The following RAB3GAP1 variants were observed in gnomAD, a reference collection of about 807,000 sequenced individuals.
RAB3GAP1 encodes rab3 GTPase-activating protein catalytic subunit.
Under a neutral mutation model 130.7 loss-of-function variants are expected in RAB3GAP1, and 86 were observed. That is an observed-to-expected ratio of 0.66 (90% CI 0.55 to 0.79). RAB3GAP1 has a LOEUF of 0.79. RAB3GAP1 is among the 30% of genes least tolerant of loss of function. The pLI is 0.00. For missense variants in RAB3GAP1, 1,029 were observed against 1,169.4 expected, an observed-to-expected ratio of 0.88 and a Z score of 1.75; for synonymous variants, 367 against 401.7, an observed-to-expected ratio of 0.91 and a Z score of 1.03.
intron 19 of RAB3GAP1, chr2:135,162,269 T>G (rs1223175198): frequency 2.8e-6 from 1 of 351,968 alleles, no homozygotes; most frequent in African/African-American, 2.1e-5. Context: ...GGTTGTTTTC[T>G]CTTGGTATTG....
At chr2:135,154,685 A>G (rs4954222) in intron 19 of RAB3GAP1, among the ~76,000 whole-genome samples, 17,471 of 152,130 alleles carry the variant, frequency 0.11, 1,289 homozygotes, top group South Asian at 0.32. Context: ...AAAACACTGA[A>G]CACAGGTAGG....
At chr2:135,139,634 C>G (rs1219025756) in intron 17 of RAB3GAP1, among the ~76,000 whole-genome samples, 1 of 151,872 alleles carries the variant, frequency 6.6e-6, no homozygotes, top group African/African-American at 2.4e-5. Context: ...TAACTACTTC[C>G]CAGATCAAGA....
At chr2:135,055,321 A>G (rs1443727420) in intron 2 of RAB3GAP1, among the ~76,000 whole-genome samples, 1 of 152,216 alleles carries the variant, frequency 6.6e-6, no homozygotes, top group Non-Finnish European at 1.5e-5. Context: ...CAATACTTGT[A>G]GGATAAAGTC....
At chr2:135,133,735 G>T in intron 14 of RAB3GAP1, 126 bp from the exon 15 acceptor site, 1 of 765,530 alleles carries the variant, frequency 1.3e-6, no homozygotes. Context: ...TTAGACATTT[G>T]ATAATGCCTA....
intron 8 of RAB3GAP1, among the ~76,000 whole-genome samples, chr2:135,122,061 C>G (rs1187876621): frequency 6.6e-6 from 1 of 151,800 alleles, no homozygotes; most frequent in Non-Finnish European, 1.5e-5. Context: ...CCACTGTACT[C>G]CAGCCTGGGT....
Position 135,052,453 on chromosome 2 carries a change from C to T in RAB3GAP1, c.42C>T (p.Ile14=), listed in dbSNP as rs759271846. ...AGCCCGAATCCGAGGTATTTGAGAT[C>T]ACGGACTTCACCACTGCCTCGGAAT... ...DSEPESEVFE[I]TDFTTASEWE... The change falls in exon 2 of 24, where the codon ATC becomes ATT. Residue 14 remains isoleucine, a synonymous_variant. Transcript: ENST00000264158. 3.3e-5 allele frequency: 53 copies of T among 1,613,950 alleles called. No individual in the cohort carries two copies. In the Admixed American group the frequency reaches 3.5e-4, roughly 11 times the overall value.
chr2:135,055,932 G>C (rs997247131), intron 2 of RAB3GAP1, among the ~76,000 whole-genome samples: 3 of 151,860 alleles, frequency 2.0e-5, no homozygotes, highest in African/African-American at 7.3e-5. Context: ...TGCCTCCCAG[G>C]TTTACGCCAT....
chr2:135,058,326 A>AT, intron 3 of RAB3GAP1: 1 of 288,536 alleles, frequency 3.5e-6, no homozygotes, highest in Non-Finnish European at 6.3e-6. Context: ...TATATATATA[A>AT]AATGTCATTC....
chr2:135,136,413 T>C (rs1691682739), intron 17 of RAB3GAP1, among the ~76,000 whole-genome samples: 1 of 152,194 alleles, frequency 6.6e-6, no homozygotes, highest in Non-Finnish European at 1.5e-5. Context: ...ATGACATAGA[T>C]AAATGTGGTC....
chr2:135,150,411 GA>G lies in RAB3GAP1; in HGVS notation c.1968del (p.Val657PhefsTer2), dbSNP rs1322389230. Reference sequence around the variant, plus strand: ...AGAAGATCTGCTAGAAGAGCAGTCTGAAGTTTTAGCTAAATTAGGTACATCG... The same window carrying G: ...AGAAGATCTGCTAGAAGAGCAGTCTGAGTTTTAGCTAAATTAGGTACATCG... ...MTEDLLEEQSEVLAKLGTSAE... is the reference protein window; with the variant it reads ...MTEDLLEEQSXVLAKLGTSAE... On this transcript the variant is annotated frameshift_variant, in exon 18 of 24. Coordinates refer to ENST00000264158, the MANE Select transcript of RAB3GAP1 (RefSeq NM_012233.3). LOFTEE classifies it high-confidence loss of function. 1 of 1,614,222 alleles carries G rather than the reference GA, an allele frequency of 6.2e-7. No individual in the cohort carries two copies. The highest frequency in any genetic ancestry group is 1.1e-5 in the South Asian group (1 of 91,088).
chr2:135,118,895 G>C (rs1691106411), intron 7 of RAB3GAP1, among the ~76,000 whole-genome samples: 1 of 152,048 alleles, frequency 6.6e-6, no homozygotes, highest in African/African-American at 2.4e-5. Flanking sequence ...ATGTCCCAGT[G>C]TCTGGCTTAA....
rs536754265 is a variant in RAB3GAP1 at position 135,081,072 on chromosome 2, A to G, written c.151-9926A>G. 2.6e-5 allele frequency among the ~76,000 whole-genome samples: 4 copies of G among 152,114 alleles called. No homozygotes were observed. The East Asian group carries it at 7.7e-4, about 29-fold the overall frequency. On this transcript the variant is annotated intron_variant, in intron 3 of 23. Transcript: ENST00000264158. ...TACTGAGCTGGAAATTTTGCCATGA[A>G]GCAAACGTTCATTAGTGTTAAGACC...
chr2:135,136,457 A>G (rs1353510016), intron 17 of RAB3GAP1, among the ~76,000 whole-genome samples: 1 of 152,236 alleles, frequency 6.6e-6, no homozygotes, highest in East Asian at 1.9e-4. Context: ...AAGATTGGAC[A>G]AAGTCTATGT....
At chr2:135,077,652 G>A (rs1226469309) in intron 3 of RAB3GAP1, among the ~76,000 whole-genome samples, 1 of 152,206 alleles carries the variant, frequency 6.6e-6, no homozygotes, top group Non-Finnish European at 1.5e-5. Context: ...CACAGTGGCT[G>A]TAGCAGTTTA....
At chr2:135,104,699 A>AAAATAAAT (rs59733454) in intron 5 of RAB3GAP1, among the ~76,000 whole-genome samples, 3,969 of 148,834 alleles carry the variant, frequency 0.027, 185 homozygotes, top group African/African-American at 0.091. Context: ...CTAAAAATAC[A>AAAATAAAT]AAATAAATAA....
At position 135,113,190 on chromosome 2, in the gene RAB3GAP1, A is replaced by G; in HGVS notation, c.402A>G (p.Ala134=). ...AGTTCGTGGTGATTGCCCCTGCTGC[A>G]CACAGTGACGCTGTTCTCAGCGAAT... ...LREFVVIAPA[A]HSDAVLSESK... is the part of the protein sequence containing the mutation. The change falls in exon 6 of 24, where the codon GCA becomes GCG. Residue 134 remains alanine (A), a synonymous_variant. Transcript: ENST00000264158. The G allele has an allele frequency of 1.2e-6, 2 of 1,614,160 alleles. No homozygotes were observed. Among genetic ancestry groups the G allele is most frequent in the Non-Finnish European group, 1.7e-6 (2 of 1,180,014 alleles).
At chr2:135,150,607 T>C in intron 18 of RAB3GAP1, 101 bp downstream of exon 18, 4 of 1,460,664 alleles carry the variant, frequency 2.7e-6, no homozygotes, top group Non-Finnish European at 3.8e-6. Flanking sequence ...GAATGTCTTT[T>C]TGTTAAGTGT....
At chr2:135,109,632 AGTGCAGTG>A (rs1690738108) in intron 5 of RAB3GAP1, among the ~76,000 whole-genome samples, 1 of 151,226 alleles carries the variant, frequency 6.6e-6, no homozygotes, top group Non-Finnish European at 1.5e-5. Flanking sequence ...ACCAGGCTGG[AGTGCAGTG>A]GCGCAATCTC....
rs778684194 is a variant in RAB3GAP1, at chr2:135,162,975, TC to T, written c.2491-10del. The T allele has an allele frequency of 2.4e-5, 38 of 1,607,712 alleles. No individual in the cohort carries two copies. Among genetic ancestry groups the T allele is most frequent in the Non-Finnish European group, 6.0e-6 (7 of 1,174,308 alleles). ...TCTCGCAATGTATGCCTCTTCCTTT[TC>T]TACCGCCAGGAAATCATTCACCAGA... On this transcript the variant is annotated splice_polypyrimidine_tract_variant and intron_variant, in intron 21 of 23. Coordinates refer to ENST00000264158, the MANE Select transcript of RAB3GAP1 (RefSeq NM_012233.3).
Sources: gnomAD v4.1 joint callset for allele counts (sites outside exome capture counted in the v4.1 genomes callset) on GRCh38, gnomAD v4.1.1 for gene constraint, MANE v1.5 for transcripts, NCBI Gene and HGNC (gene_info 2026-07-23, HGNC 2026-07-21) for gene names.